SGCD: variants seen among roughly 807,000 people sequenced by gnomAD.
The protein encoded by SGCD is sarcoglycan delta.
A neutral mutation model predicts 36.6 loss-of-function variants in SGCD; 18 were observed. The ratio of observed to expected loss-of-function variants is 0.49; its 90% CI spans 0.34 to 0.73. The LOEUF (loss-of-function observed/expected upper bound fraction) is 0.73, where lower values mean the gene tolerates loss of function less well. Among genes scored for constraint, SGCD ranks in the 30% least tolerant of loss-of-function variants. The pLI is 0.01. For missense variants in SGCD, 387 were observed against 346.7 expected (o/e 1.12, Z -0.92); for synonymous variants, 133 against 130.6 (o/e 1.02, Z -0.12).
chr5:156,629,755 C>A (rs1211476389), intron 6 of SGCD, among the ~76,000 whole-genome samples: 1 of 150,756 alleles, frequency 6.6e-6, no homozygotes, highest in Non-Finnish European at 1.5e-5. Context: ...TGGCTGTGTT[C>A]TAATAAAACT....
At chr5:156,070,453 A>T (rs965869413) in intron 1 of SGCD, among the ~76,000 whole-genome samples, 1 of 150,584 alleles carries the variant, frequency 6.6e-6, no homozygotes, top group African/African-American at 2.5e-5. Context: ...GTGTATATTG[A>T]ACCAGACTTG....
At chr5:155,728,629 G>T in the SGCD span, among the ~76,000 whole-genome samples, 1 of 152,250 alleles carries the variant, frequency 6.6e-6, no homozygotes, top group South Asian at 2.1e-4. Flanking sequence ...TTCCGCAGCC[G>T]CTTGGCCGGC....
intron 7 of SGCD, among the ~76,000 whole-genome samples, chr5:156,670,468 C>G (rs1334385842): frequency 6.6e-6 from 1 of 152,150 alleles, no homozygotes; most frequent in Non-Finnish European, 1.5e-5. Flanking sequence ...CTTTTTTTCC[C>G]CTCAGTGGGA....
At chr5:156,056,655 A>AAAAAAAAAAAAC (rs1554115108) in intron 1 of SGCD, among the ~76,000 whole-genome samples, 1 of 136,506 alleles carries the variant, frequency 7.3e-6, no homozygotes, top group African/African-American at 2.9e-5. Context: ...TAAAAAAAAA[A>AAAAAAAAAAAAC]AAAAAAAAAA....
At chr5:156,230,330 G>A (rs190720204) in intron 3 of SGCD, among the ~76,000 whole-genome samples, 1 of 152,298 alleles carries the variant, frequency 6.6e-6, no homozygotes, top group Admixed American at 6.5e-5. Flanking sequence ...GAAAGGTTTA[G>A]GGCCGAAGGC....
Position 156,722,110 on chromosome 5 carries a change from C to T in SGCD, c.576-35471C>T, listed in dbSNP as rs149328151. ...CTAGAGCGAAATCATATTTCACTGG[C>T]GAAGTAATTTAGGAAGGAACGCCAT... is the stretch of plus-strand genomic sequence containing the variant. On this transcript the variant is annotated intron_variant, in intron 7 of 8. Transcript: ENST00000337851. Among the ~76,000 whole-genome samples, 911 of 152,250 alleles carry T rather than the reference C, an allele frequency of 6.0e-3. 5 individuals are homozygous for T. The highest frequency in any genetic ancestry group is 0.011 in the Non-Finnish European group (724 of 68,008).
rs1242724177 is a variant in SGCD, at chr5:155,896,986, A to G, written c.-282+26562A>G. ...CAAAACCACTTATTGGCATTCAGGT[A>G]TGTATTAGAGTATAATGCTCATAAT... On this transcript the variant is annotated intron_variant, in intron 1 of 9. Transcript: ENST00000517913. Among the ~76,000 whole-genome samples, 6 of 152,350 alleles carry G rather than the reference A, an allele frequency of 3.9e-5. No individual in the cohort carries two copies. In the South Asian group the frequency reaches 1.2e-3, roughly 32 times the overall value.
At chr5:156,679,494 G>C (rs1753640992) in intron 7 of SGCD, among the ~76,000 whole-genome samples, 1 of 152,074 alleles carries the variant, frequency 6.6e-6, no homozygotes, top group Admixed American at 6.6e-5. Flanking sequence ...GCCACCCTTG[G>C]GCAATGCACA....
intron 1 of SGCD, among the ~76,000 whole-genome samples, chr5:155,902,497 T>A: frequency 6.6e-6 from 1 of 151,998 alleles, no homozygotes; most frequent in East Asian, 1.9e-4. Flanking sequence ...CGTTACTTTT[T>A]TTTATCAGGG....
intron 1 of SGCD, among the ~76,000 whole-genome samples, chr5:155,935,800 C>T (rs965891901): frequency 6.6e-6 from 1 of 152,218 alleles, no homozygotes; most frequent in Non-Finnish European, 1.5e-5. Context: ...ACCACTCAGC[C>T]TGGCAGGCTG....
intron 3 of SGCD, among the ~76,000 whole-genome samples, chr5:156,221,635 A>C (rs1375265609): frequency 6.6e-6 from 1 of 152,076 alleles, no homozygotes; most frequent in Non-Finnish European, 1.5e-5. Flanking sequence ...CATCACAAAA[A>C]AAATAATTTT....
At chr5:156,424,266 T>C (rs1265473222) in intron 3 of SGCD, among the ~76,000 whole-genome samples, 1 of 152,046 alleles carries the variant, frequency 6.6e-6, no homozygotes, top group Non-Finnish European at 1.5e-5. Flanking sequence ...TTACTCTTTT[T>C]ACTCTGCCTG....
chr5:156,275,002 A>G (rs1366793338), intron 3 of SGCD, among the ~76,000 whole-genome samples: 1 of 152,188 alleles, frequency 6.6e-6, no homozygotes, highest in African/African-American at 2.4e-5. Context: ...ACAGGGACCC[A>G]GTGTCTCCAG....
chr5:156,189,740 T>C (rs1448768259), intron 3 of SGCD, among the ~76,000 whole-genome samples: 2 of 152,150 alleles, frequency 1.3e-5, no homozygotes, highest in Non-Finnish European at 2.9e-5. Flanking sequence ...TAGATTGTAT[T>C]TTGTGCTGTT....
chr5:156,591,910 C>T (rs7714126), intron 5 of SGCD, among the ~76,000 whole-genome samples: 2 of 152,152 alleles, frequency 1.3e-5, no homozygotes, highest in African/African-American at 4.8e-5. Context: ...AGCAGTTGCT[C>T]TGTGGGGTTT....
chr5:156,538,868 T>G (rs972552171), intron 4 of SGCD, among the ~76,000 whole-genome samples: 2 of 152,144 alleles, frequency 1.3e-5, no homozygotes, highest in Non-Finnish European at 2.9e-5. Flanking sequence ...GTTCCAGTAT[T>G]AATTCCTTCT....
chr5:155,861,556 A>G, the SGCD span, among the ~76,000 whole-genome samples: 3 of 152,112 alleles, frequency 2.0e-5, no homozygotes, highest in African/African-American at 4.8e-5. Context: ...CGTCTCAACT[A>G]AAAATACAAA....
chr5:156,532,398 A>T (rs968263674), intron 4 of SGCD, among the ~76,000 whole-genome samples: 2 of 152,228 alleles, frequency 1.3e-5, no homozygotes, highest in Non-Finnish European at 2.9e-5. Context: ...ATACCATGTG[A>T]TTAGAGTCTT....
At chr5:155,734,600 G>C in the SGCD span, among the ~76,000 whole-genome samples, 11 of 152,054 alleles carry the variant, frequency 7.2e-5, no homozygotes, top group Non-Finnish European at 1.5e-4. Flanking sequence ...GTGAGTCACT[G>C]GTCCTTATAC....
Sources: gnomAD v4.1 joint callset for allele counts (sites outside exome capture counted in the v4.1 genomes callset) on GRCh38, gnomAD v4.1.1 for gene constraint, MANE v1.5 for transcripts, NCBI Gene and HGNC (gene_info 2026-07-23, HGNC 2026-07-21) for gene names.